IL17B: variants seen among roughly 807,000 people sequenced by gnomAD.
The protein encoded by IL17B is interleukin 17B.
A neutral mutation model predicts 14.7 loss-of-function variants in IL17B; 14 were observed. The ratio of observed to expected loss-of-function variants is 0.95; its 90% CI spans 0.63 to 1.49. IL17B has a LOEUF of 1.49. IL17B is among the 40% of genes most tolerant of loss of function. IL17B has a pLI of 0.00. For synonymous variants in IL17B, 105 were observed against 94.8 expected, an observed-to-expected ratio of 1.11 and a Z score of -0.62; for missense variants, 233 against 252.8, an observed-to-expected ratio of 0.92 and a Z score of 0.53.
At chr5:149,398,760 G>T (rs564142759) in intron 1 of IL17B, among the ~76,000 whole-genome samples, 6 of 152,320 alleles carry the variant, frequency 3.9e-5, no homozygotes, top group Admixed American at 2.0e-4. Flanking sequence ...TACAAAATTT[G>T]CTGGGCATGG....
At chr5:149,389,686 G>C (rs1758899658) in intron 1 of IL17B, among the ~76,000 whole-genome samples, 1 of 152,188 alleles carries the variant, frequency 6.6e-6, no homozygotes. Context: ...CTCCAGCAGA[G>C]CTGTAAAGTT....
chr5:149,378,754 GGC>G (rs1166201123), intron 1 of IL17B, among the ~76,000 whole-genome samples: 22 of 152,180 alleles, frequency 1.4e-4, no homozygotes, highest in African/African-American at 4.6e-4. Flanking sequence ...CCTAACAATA[GGC>G]TCTCTCTTTA....
chr5:149,383,774 G>A (rs983532621), upstream of IL17B, among the ~76,000 whole-genome samples: 2 of 152,230 alleles, frequency 1.3e-5, no homozygotes, highest in African/African-American at 4.8e-5. Flanking sequence ...GGGCTGCCAC[G>A]TCGACATGAC....
At chr5:149,393,453 G>A (rs1759026872) in intron 1 of IL17B, among the ~76,000 whole-genome samples, 1 of 152,146 alleles carries the variant, frequency 6.6e-6, no homozygotes, top group Non-Finnish European at 1.5e-5. Flanking sequence ...TAGAGCCCCA[G>A]GCCTAGTTCA....
At chr5:149,396,906 G>T (rs1032280706) in intron 1 of IL17B, among the ~76,000 whole-genome samples, 14 of 152,148 alleles carry the variant, frequency 9.2e-5, no homozygotes, top group African/African-American at 3.4e-4. Context: ...TCTGACGAAG[G>T]GCGTTTTTTT....
chr5:149,387,320 A>G (rs1411786312), intron 1 of IL17B, among the ~76,000 whole-genome samples: 1 of 152,246 alleles, frequency 6.6e-6, no homozygotes, highest in Non-Finnish European at 1.5e-5. Context: ...TCTGGTTCCC[A>G]GGAAAGAAGC....
At chr5:149,403,283 A>G (rs1411373379) in intron 1 of IL17B, among the ~76,000 whole-genome samples, 1 of 151,826 alleles carries the variant, frequency 6.6e-6, no homozygotes, top group Non-Finnish European at 1.5e-5. Flanking sequence ...ACGGGGTTTC[A>G]CCGTGTTGCC....
rs191616849 is a variant in IL17B at position 149,390,454 on chromosome 5, T to G, written n.96-13429A>C. On this transcript the variant is annotated intron_variant and non_coding_transcript_variant, in intron 1 of 2. Transcript: ENST00000505432. ...CTTAAGGTCCAGCCCAGCTACCACG[T>G]AGTGACACCCCCCTCCTCATTCAGG... Among the ~76,000 whole-genome samples the G allele has an allele frequency of 1.8e-3, 271 of 151,970 alleles. 6 individuals are homozygous for G. The highest frequency in any genetic ancestry group is 0.015 in the Admixed American group (224 of 15,260).
chr5:149,380,623 T>C (rs1475932966), upstream of IL17B, among the ~76,000 whole-genome samples: 1 of 152,060 alleles, frequency 6.6e-6, no homozygotes, highest in African/African-American at 2.4e-5. Context: ...CCCAGCCCAA[T>C]GTAAGCGGGC....
At chr5:149,401,924 G>C (rs867923093) in intron 1 of IL17B, among the ~76,000 whole-genome samples, 1 of 151,908 alleles carries the variant, frequency 6.6e-6, no homozygotes, top group Non-Finnish European at 1.5e-5. Flanking sequence ...TTCACACATC[G>C]AACGGTGCAT....
At chr5:149,378,460 C>T (rs577617961) in intron 1 of IL17B, among the ~76,000 whole-genome samples, 1 of 152,336 alleles carries the variant, frequency 6.6e-6, no homozygotes, top group South Asian at 2.1e-4. Context: ...AGAGAAGGGA[C>T]AGTGCCTGCG....
chr5:149,386,789 T>C (rs902598358), intron 1 of IL17B, among the ~76,000 whole-genome samples: 1 of 152,178 alleles, frequency 6.6e-6, no homozygotes, highest in South Asian at 2.1e-4. Flanking sequence ...CACTGCAACC[T>C]CTGCCTCCCG....
chr5:149,398,381 T>G (rs1334249066), intron 1 of IL17B, among the ~76,000 whole-genome samples: 5 of 152,318 alleles, frequency 3.3e-5, no homozygotes, highest in Admixed American at 2.0e-4. Flanking sequence ...CCCTTAACTG[T>G]ATCGGAAAGG....
intron 1 of IL17B, among the ~76,000 whole-genome samples, chr5:149,395,925 G>A (rs370499336): frequency 9.9e-5 from 15 of 151,882 alleles, no homozygotes; most frequent in African/African-American, 3.2e-4. Flanking sequence ...CACCCACCTC[G>A]GCTTCCCCAG....
In IL17B at chr5:149,374,739, T is replaced by C; in HGVS notation, c.312-139A>G. On this transcript the variant is annotated intron_variant, in intron 2 of 2. Transcript: ENST00000261796. The surrounding 1 kb of genome is among the most constrained non-coding windows in gnomAD (Gnocchi z 5.0). ...CTGTGTTGGGCTGGAGGAAAGGCAG[T>C]AATCAACTCCATGTTCCACGTGAGG... 2 of 638,500 alleles carry C rather than the reference T, an allele frequency of 3.1e-6. No individual in the cohort carries two copies. Among genetic ancestry groups the C allele is most frequent in the South Asian group, 2.2e-5 (1 of 45,898 alleles). The allele number at this position is 638,500 out of a possible 1,614,324, so 39.6% of individuals were successfully genotyped here. A position where few individuals can be genotyped will look rare whatever the true frequency, so the allele number is the denominator to read the frequency against.
intron 1 of IL17B, among the ~76,000 whole-genome samples, chr5:149,402,498 T>C (rs1277817074): frequency 6.6e-6 from 1 of 151,954 alleles, no homozygotes; most frequent in Admixed American, 6.6e-5. Flanking sequence ...GATACTACCT[T>C]TGGGCACTCC....
intron 1 of IL17B, among the ~76,000 whole-genome samples, chr5:149,394,958 T>A (rs1310235804): frequency 1.3e-5 from 2 of 152,192 alleles, no homozygotes; most frequent in Non-Finnish European, 2.9e-5. Flanking sequence ...GGTGTGCACA[T>A]TATTTCATCA....
At chr5:149,401,961 C>T (rs1359329015) in intron 1 of IL17B, among the ~76,000 whole-genome samples, 1 of 152,146 alleles carries the variant, frequency 6.6e-6, no homozygotes, top group Non-Finnish European at 1.5e-5. Flanking sequence ...CATGTGTTAC[C>T]CTGCACTGTT....
At chr5:149,390,533 C>T (rs1365534979) in intron 1 of IL17B, among the ~76,000 whole-genome samples, 1 of 138,578 alleles carries the variant, frequency 7.2e-6, no homozygotes, top group African/African-American at 2.7e-5. Context: ...CCCCCCCAAA[C>T]CCTCATCATG....
Sources: gnomAD v4.1 joint callset for allele counts (sites outside exome capture counted in the v4.1 genomes callset) on GRCh38, gnomAD v4.1.1 for gene constraint, Gnocchi (gnomAD v3.1) non-coding constraint, MANE v1.5 for transcripts, NCBI Gene and HGNC (gene_info 2026-07-23, HGNC 2026-07-21) for gene names.